PCDH9: variants seen among roughly 807,000 people sequenced by gnomAD.
PCDH9 encodes the protein protocadherin-9.
Under a neutral mutation model 70.6 loss-of-function variants are expected in PCDH9, and 24 were observed. That is an observed-to-expected ratio of 0.34 (90% CI 0.25 to 0.48). The LOEUF (loss-of-function observed/expected upper bound fraction) is 0.48. Ranked by LOEUF, PCDH9 falls within the 20% of genes least tolerant of loss-of-function variation. The probability of loss-of-function intolerance (pLI) is 0.99; values close to 1 mark genes in which losing one functional copy is unlikely to be tolerated. For synonymous variants in PCDH9, 562 were observed against 558.5 expected (o/e 1.01, Z -0.09); for missense variants, 1,281 against 1,503.6 (o/e 0.85, Z 2.45).
Position 67,019,921 on chromosome 13 carries a change from C to T in PCDH9, c.3037-116316G>A, listed in dbSNP as rs147324038. 3.5e-3 allele frequency among the ~76,000 whole-genome samples: 537 copies of T among 152,310 alleles called. 5 individuals carry two copies. Among genetic ancestry groups the T allele is most frequent in the African/African-American group, 0.012 (517 of 41,568 alleles). On this transcript the variant is annotated intron_variant, in intron 2 of 4. Coordinates refer to ENST00000377865, the MANE Select transcript of PCDH9 (RefSeq NM_203487.3). ...ACTGTCTGGATGAATCTGGATAAAGCAATTTCTACCTAATAATTTGCTGCA... is the reference window on the plus strand; with the variant it reads ...ACTGTCTGGATGAATCTGGATAAAGTAATTTCTACCTAATAATTTGCTGCA...
intron 2 of PCDH9, chr13:67,212,509 T>A (rs1259648056): frequency 6.6e-6 from 1 of 152,162 alleles, no homozygotes; most frequent in Admixed American, 6.6e-5. Flanking sequence ...TAGATGTGTG[T>A]TGAATAACAG....
intron 2 of PCDH9, among the ~76,000 whole-genome samples, chr13:67,138,506 G>C (rs538029301): frequency 5.3e-5 from 8 of 152,310 alleles, no homozygotes; most frequent in Admixed American, 3.9e-4. Context: ...GCTATGACAG[G>C]AAATATCTGC....
chr13:66,859,535 G>A (rs1239887810), intron 3 of PCDH9, among the ~76,000 whole-genome samples: 1 of 152,150 alleles, frequency 6.6e-6, no homozygotes, highest in Non-Finnish European at 1.5e-5. Flanking sequence ...AAGAAAGTCT[G>A]CATGTGTTTT....
intron 4 of PCDH9, among the ~76,000 whole-genome samples, chr13:66,441,137 C>T (rs1316620220): frequency 1.3e-5 from 2 of 152,178 alleles, no homozygotes; most frequent in African/African-American, 4.8e-5. Context: ...CCATACACTC[C>T]ATTTACATCT....
intron 3 of PCDH9, among the ~76,000 whole-genome samples, chr13:66,777,443 A>C (rs1286087592): frequency 6.6e-6 from 1 of 152,144 alleles, no homozygotes; most frequent in Admixed American, 6.5e-5. Flanking sequence ...AGAAAAAAAC[A>C]AACAACCCCA....
intron 3 of PCDH9, among the ~76,000 whole-genome samples, chr13:66,826,613 C>A (rs980283435): frequency 1.3e-5 from 2 of 151,896 alleles, no homozygotes; most frequent in Non-Finnish European, 2.9e-5. Flanking sequence ...ATGAACAGGG[C>A]AAGTGCTGTG....
At position 67,153,990 on chromosome 13, in the gene PCDH9, G is replaced by C. The variant is rs1407898222; in HGVS notation, c.3036+71415C>G. 2.6e-5 allele frequency among the ~76,000 whole-genome samples: 4 copies of C among 152,276 alleles called. No individual in the cohort carries two copies. In the East Asian group the frequency reaches 7.7e-4, roughly 29 times the overall value. On this transcript the variant is annotated intron_variant, in intron 2 of 4. Transcript: ENST00000377865. ...TGGCACCTTGCTCGAGGCATATATT[G>C]TTTTGTGCAACTAACTTAAGGAGAA...
intron 3 of PCDH9, among the ~76,000 whole-genome samples, chr13:66,898,336 T>A (rs1388996732): frequency 6.6e-6 from 1 of 152,018 alleles, no homozygotes. Context: ...CAAAAAGCTG[T>A]CTTTATGAAG....
At chr13:66,878,375 C>T (rs1196798160) in intron 3 of PCDH9, among the ~76,000 whole-genome samples, 1 of 151,720 alleles carries the variant, frequency 6.6e-6, no homozygotes, top group Non-Finnish European at 1.5e-5. Flanking sequence ...TACAGGGGCC[C>T]GCCACCACGC....
chr13:67,141,323 C>A (rs34111098), intron 2 of PCDH9, among the ~76,000 whole-genome samples: 1 of 152,052 alleles, frequency 6.6e-6, no homozygotes, highest in South Asian at 2.1e-4. Flanking sequence ...TGTGGTGGCT[C>A]ATGCCTATAA....
chr13:66,736,968 A>G (rs2079159139), intron 3 of PCDH9, among the ~76,000 whole-genome samples: 1 of 152,208 alleles, frequency 6.6e-6, no homozygotes. Context: ...TTATAAAGCC[A>G]TATAAAATAT....
chr13:67,191,518 C>G (rs1158024096), intron 2 of PCDH9, among the ~76,000 whole-genome samples: 1 of 151,994 alleles, frequency 6.6e-6, no homozygotes, highest in African/African-American at 2.4e-5. Flanking sequence ...ATTATATAAT[C>G]TCGTATAAAG....
At chr13:66,749,154 G>A (rs745828822) in intron 3 of PCDH9, among the ~76,000 whole-genome samples, 12 of 152,156 alleles carry the variant, frequency 7.9e-5, no homozygotes, top group Non-Finnish European at 1.3e-4. Flanking sequence ...GTTTCGGCCA[G>A]TTCTTTATAG....
intron 2 of PCDH9, among the ~76,000 whole-genome samples, chr13:67,077,676 C>A (rs1422481916): frequency 6.6e-6 from 1 of 152,098 alleles, no homozygotes; most frequent in Non-Finnish European, 1.5e-5. Context: ...ACTTGGGAAT[C>A]ATTTCTCTTC....
At chr13:66,437,842 ACT>A (rs1957901788) in intron 4 of PCDH9, among the ~76,000 whole-genome samples, 2 of 152,302 alleles carry the variant, frequency 1.3e-5, no homozygotes, top group South Asian at 4.1e-4. Context: ...AAAGACATGT[ACT>A]AAAAGAAAGC....
intron 2 of PCDH9, among the ~76,000 whole-genome samples, chr13:67,184,908 T>C (rs2088711679): frequency 6.6e-6 from 1 of 152,210 alleles, no homozygotes; most frequent in African/African-American, 2.4e-5. Context: ...AACCTCATCT[T>C]AATACATCCC....
intron 4 of PCDH9, among the ~76,000 whole-genome samples, chr13:66,503,412 A>G (rs1959187453): frequency 6.6e-6 from 1 of 152,216 alleles, no homozygotes; most frequent in South Asian, 2.1e-4. Flanking sequence ...TGCATTTACC[A>G]ATCACACAAT....
chr13:67,118,983 A>G (rs1461913490), intron 2 of PCDH9, among the ~76,000 whole-genome samples: 1 of 152,154 alleles, frequency 6.6e-6, no homozygotes, highest in Non-Finnish European at 1.5e-5. Flanking sequence ...TGGGATTTAA[A>G]ACAACTTCTT....
chr13:66,559,182 T>C (rs1961880051), intron 4 of PCDH9, among the ~76,000 whole-genome samples: 1 of 152,206 alleles, frequency 6.6e-6, no homozygotes, highest in Non-Finnish European at 1.5e-5. Flanking sequence ...TTCTAGTGAC[T>C]AACTTATATC....
Sources: gnomAD v4.1 joint callset for allele counts (sites outside exome capture counted in the v4.1 genomes callset) on GRCh38, gnomAD v4.1.1 for gene constraint, MANE v1.5 for transcripts, NCBI Gene and HGNC (gene_info 2026-07-23, HGNC 2026-07-21) for gene names.